Variants in ALDH5A1 observed in about 807,000 individuals in gnomAD.
The protein encoded by ALDH5A1 is succinate-semialdehyde dehydrogenase, mitochondrial.
A neutral mutation model predicts 54.7 loss-of-function variants in ALDH5A1; 33 were observed. The ratio of observed to expected loss-of-function variants is 0.60; its 90% CI spans 0.46 to 0.81. The LOEUF (loss-of-function observed/expected upper bound fraction) is 0.81. ALDH5A1 is among the 30% of genes least tolerant of loss of function. The pLI is 0.00. For synonymous variants in ALDH5A1, 294 were observed against 292.7 expected, an observed-to-expected ratio of 1.00 and a Z score of -0.05; for missense variants, 657 against 711.0, an observed-to-expected ratio of 0.92 and a Z score of 0.86.
chr6:24,526,969 T>TA (rs1313426225), intron 7 of ALDH5A1, among the ~76,000 whole-genome samples: 1 of 7,294 alleles, frequency 1.4e-4, no homozygotes, highest in African/African-American at 3.1e-4. Flanking sequence ...TATATATGTG[T>TA]GTGTGTATAT....
intron 5 of ALDH5A1, among the ~76,000 whole-genome samples, chr6:24,517,267 A>G (rs1425841501): frequency 3.9e-5 from 6 of 152,176 alleles, no homozygotes; most frequent in Admixed American, 3.3e-4. Context: ...TGGCCTCCCA[A>G]AGTGCTGGGA....
At position 24,528,162 on chromosome 6, in the gene ALDH5A1, A is replaced by G. The variant is rs759737726; in HGVS notation, c.1339A>G (p.Ile447Val). The G allele has an allele frequency of 1.2e-6, 2 of 1,613,748 alleles. No individual in the cohort carries two copies. Among genetic ancestry groups the G allele is most frequent in the African/African-American group, 1.3e-5 (1 of 74,922 alleles). Residue 447 changes from isoleucine to valine, a missense_variant, in exon 8 of 10, where the codon ATC becomes GTC. Coordinates refer to ENST00000357578, the MANE Select transcript of ALDH5A1 (RefSeq NM_001080.3). ...EETFGPLAPV[I>V]KFDTEEEAIA... ...GACTTTCGGGCCTCTGGCACCAGTTATCAAGTAAGATCCTCCAGCCAGCGG... is the reference window on the plus strand; with the variant it reads ...GACTTTCGGGCCTCTGGCACCAGTTGTCAAGTAAGATCCTCCAGCCAGCGG...
chr6:24,506,227 CCTT>C (rs1203898875), intron 4 of ALDH5A1, among the ~76,000 whole-genome samples: 3 of 139,308 alleles, frequency 2.2e-5, no homozygotes, highest in Admixed American at 7.6e-5. Context: ...ATCTGCACCT[CCTT>C]CTTTCCTGGT....
rs1157326134 is a variant in ALDH5A1 at position 24,518,849 on chromosome 6, C to T, written c.871-1552C>T. 2.0e-5 allele frequency among the ~76,000 whole-genome samples: 3 copies of T among 152,190 alleles called. No homozygotes were observed. Among genetic ancestry groups the T allele is most frequent in the Non-Finnish European group, 4.4e-5 (3 of 68,036 alleles). ...CCTAGAGCCACCTTGGGCTTGCGAA[C>T]ACCGTCTGTTTCACTCGAACTATCT... is the stretch of plus-strand genomic sequence containing the variant. On this transcript the variant is annotated intron_variant, in intron 5 of 9. Coordinates refer to ENST00000357578, the MANE Select transcript of ALDH5A1 (RefSeq NM_001080.3). The surrounding 1 kb of genome is among the most constrained non-coding windows in gnomAD (Gnocchi z 4.2).
chr6:24,527,872 G>A lies in ALDH5A1; in HGVS notation c.1174-125G>A. ...TCCTTCTACAAAAGGAAACCAGCAT[G>A]CTTTATTGTTAACCTACTTTTTTTG... is the stretch of plus-strand genomic sequence containing the variant. On this transcript the variant is annotated intron_variant, in intron 7 of 9. Transcript: ENST00000357578. 3 of 1,054,218 alleles carry A rather than the reference G, an allele frequency of 2.8e-6. No individual in the cohort carries two copies. The South Asian group carries it at 4.2e-5, about 15-fold the overall frequency. 65.3% of individuals were successfully genotyped at this position (1,054,218 alleles called of 1,614,324 possible).
At chr6:24,513,534 A>G (rs1214543389) in intron 4 of ALDH5A1, among the ~76,000 whole-genome samples, 1 of 152,210 alleles carries the variant, frequency 6.6e-6, no homozygotes, top group Non-Finnish European at 1.5e-5. Context: ...GTTCAAAGAT[A>G]AGGTAGCTTG....
At chr6:24,521,108 G>A (rs7760171) in intron 6 of ALDH5A1, among the ~76,000 whole-genome samples, 12,036 of 152,252 alleles carry the variant, frequency 0.079, 1,082 homozygotes, top group African/African-American at 0.22. Context: ...GTGGGGCCTC[G>A]CTGTCCCGAG....
intron 4 of ALDH5A1, among the ~76,000 whole-genome samples, chr6:24,510,271 A>T (rs1393220331): frequency 1.3e-5 from 2 of 152,190 alleles, no homozygotes; most frequent in Non-Finnish European, 2.9e-5. Flanking sequence ...AATAGAATGT[A>T]TATTCTGCAG....
chr6:24,527,850 T>G, intron 7 of ALDH5A1, 147 bp from the exon 8 acceptor site: 1 of 839,030 alleles, frequency 1.2e-6, no homozygotes, highest in Admixed American at 2.3e-5. Context: ...ATGTGGTTCC[T>G]TCTACAAAAG....
chr6:24,513,679 A>G (rs966627572), intron 4 of ALDH5A1, among the ~76,000 whole-genome samples: 1 of 151,594 alleles, frequency 6.6e-6, no homozygotes, highest in African/African-American at 2.4e-5. Flanking sequence ...CCTACTATTG[A>G]CATTGCAGCA....
chr6:24,499,969 A>T (rs930516643), intron 1 of ALDH5A1, among the ~76,000 whole-genome samples: 1 of 135,506 alleles, frequency 7.4e-6, no homozygotes, highest in Non-Finnish European at 1.6e-5. Flanking sequence ...CCACACTCAG[A>T]TAATTTCTGT....
At position 24,518,377 on chromosome 6, in the gene ALDH5A1, G is replaced by A. The variant is rs1229229388; in HGVS notation, c.871-2024G>A. ...GGCCAGGGCAAGCCGCCTTCCTGGA[G>A]AAGCAGAGACTGAGTGGGGAGAGGA... On this transcript the variant is annotated intron_variant, in intron 5 of 9. Coordinates refer to ENST00000357578, the MANE Select transcript of ALDH5A1 (RefSeq NM_001080.3). This position sits in a 1 kb window ranked among gnomAD's most constrained non-coding sequence, Gnocchi z 4.2. 3.3e-5 allele frequency among the ~76,000 whole-genome samples: 5 copies of A among 152,182 alleles called. No homozygotes were observed. The East Asian group carries it at 9.6e-4, about 29-fold the overall frequency.
intron 4 of ALDH5A1, among the ~76,000 whole-genome samples, chr6:24,505,930 T>C (rs1759332561): frequency 7.2e-6 from 1 of 138,364 alleles, no homozygotes; most frequent in Non-Finnish European, 1.6e-5. Context: ...ATGGTGTCAC[T>C]GAACTCCAGC....
intron 3 of ALDH5A1, 73 bp downstream of exon 3, chr6:24,503,506 C>G (rs552108552): frequency 1.9e-6 from 3 of 1,554,918 alleles, no homozygotes; most frequent in African/African-American, 1.4e-5. Flanking sequence ...CATTCTTCCT[C>G]GTGAGCAGGT....
chr6:24,526,627 CA>C (rs975410556), intron 7 of ALDH5A1, among the ~76,000 whole-genome samples: 6 of 146,850 alleles, frequency 4.1e-5, no homozygotes, highest in Non-Finnish European at 6.0e-5. Context: ...AATAGAAATG[CA>C]AAAAAAAATC....
rs34809203 is a variant in ALDH5A1, at chr6:24,535,827, C to T, written c.*2115C>T. ...GAGACTCCGCCTCAAAAAAAGAATA[C>T]AAATGCTCCAACATTATTTTTTATA... is the stretch of plus-strand genomic sequence containing the variant. On this transcript the variant is annotated 3_prime_UTR_variant, in exon 10 of 10. Coordinates refer to ENST00000357578, the MANE Select transcript of ALDH5A1 (RefSeq NM_001080.3). 0.07 allele frequency: 10,720 copies of T among 152,282 alleles called. 461 individuals are homozygous for T. The highest frequency in any genetic ancestry group is 0.092 in the Non-Finnish European group (6,250 of 68,028). The allele number at this position is 152,282 out of a possible 1,614,324, so 9.4% of individuals were successfully genotyped here.
intron 4 of ALDH5A1, chr6:24,511,848 C>G: frequency 1.8e-6 from 1 of 562,758 alleles, no homozygotes; most frequent in Non-Finnish European, 3.2e-6. Flanking sequence ...GGGATTTCTT[C>G]TTGATTTGGA....
In ALDH5A1 at chr6:24,515,298, A is replaced by G; in HGVS notation, c.858A>G (p.Thr286=). 1.2e-6 allele frequency: 2 copies of G among 1,613,910 alleles called. No homozygotes were observed. The highest frequency in any genetic ancestry group is 1.7e-6 in the Non-Finnish European group (2 of 1,179,926). ...CCAAAATTTCCTTTACTGGTTCAAC[A>G]ACTACAGGAAAGGTATGTGACTCAA... ...LVSKISFTGS[T]TTGKILLHHA... Residue 286 remains threonine, a synonymous_variant, in exon 5 of 10, where the codon ACA becomes ACG. Transcript: ENST00000357578.
intron 4 of ALDH5A1, among the ~76,000 whole-genome samples, chr6:24,508,911 A>T (rs887997751): frequency 6.6e-6 from 1 of 152,142 alleles, no homozygotes; most frequent in Admixed American, 6.5e-5. Flanking sequence ...GGCCATTTGT[A>T]TATCTTCTTT....
Sources: gnomAD v4.1 joint callset for allele counts (sites outside exome capture counted in the v4.1 genomes callset) on GRCh38, gnomAD v4.1.1 for gene constraint, Gnocchi (gnomAD v3.1) non-coding constraint, MANE v1.5 for transcripts, NCBI Gene and HGNC (gene_info 2026-07-23, HGNC 2026-07-21) for gene names.